CCDC82: variants seen among roughly 807,000 people sequenced by gnomAD.
The protein encoded by CCDC82 is coiled-coil domain containing 82.
Under a neutral mutation model 60.6 loss-of-function variants are expected in CCDC82, and 47 were observed. The observed-to-expected ratio is 0.77, with a 90% CI of 0.61 to 0.99. The LOEUF (loss-of-function observed/expected upper bound fraction) is 0.99. Among genes scored for constraint, CCDC82 ranks in the 50% least tolerant of loss-of-function variants. The pLI is 0.00. For synonymous variants in CCDC82, 212 were observed against 207.4 expected, an observed-to-expected ratio of 1.02 and a Z score of -0.19; for missense variants, 588 against 633.0, an observed-to-expected ratio of 0.93 and a Z score of 0.76.
chr11:96,369,737 T>C (rs994644307), intron 7 of CCDC82, among the ~76,000 whole-genome samples: 2 of 152,294 alleles, frequency 1.3e-5, no homozygotes, highest in Admixed American at 6.5e-5. Context: ...TGAATAAGCA[T>C]ATGGTGTTAG....
intron 4 of CCDC82, 128 bp from the exon 5 acceptor site, chr11:96,383,601 TAA>T (rs1180337316): frequency 3.4e-6 from 2 of 592,698 alleles, no homozygotes; most frequent in African/African-American, 3.9e-5. Context: ...ATTTTAAAGT[TAA>T]AAATAAATAA....
chr11:96,379,743 C>T (rs1865771963), intron 5 of CCDC82, among the ~76,000 whole-genome samples: 1 of 151,706 alleles, frequency 6.6e-6, no homozygotes, highest in African/African-American at 2.4e-5. Context: ...CAGTTTTGTT[C>T]CTATTGAGCC....
intron 9 of CCDC82, chr11:96,356,106 A>T (rs1248552165): frequency 1.3e-5 from 2 of 152,212 alleles, no homozygotes; most frequent in African/African-American, 4.8e-5. Context: ...TGCTAAAAAT[A>T]TTGGATGTTT....
At position 96,356,686 on chromosome 11, in the gene CCDC82, TATC is replaced by T. The variant is rs1864366372; in HGVS notation, c.1566+2304_1566+2306del. ...TTTGGTTTTATTATAATTTTCCTAT[TATC>T]TATTCTTTTCTTATACTCAAGTTGC... On this transcript the variant is annotated intron_variant, in intron 9 of 9. Transcript: ENST00000646818. The T allele has an allele frequency of 6.3e-6, 6 of 950,928 alleles. No individual in the cohort carries two copies. The South Asian group carries it at 2.9e-4, about 46-fold the overall frequency. The allele number at this position is 950,928 out of a possible 1,614,324, so 58.9% of individuals were successfully genotyped here.
intron 5 of CCDC82, among the ~76,000 whole-genome samples, chr11:96,380,011 A>C (rs935935072): frequency 6.6e-6 from 1 of 151,828 alleles, no homozygotes; most frequent in Non-Finnish European, 1.5e-5. Context: ...CAAGAAAAGT[A>C]GGGTACCACA....
intron 6 of CCDC82, among the ~76,000 whole-genome samples, chr11:96,372,739 A>ATATATATTTATATATATAAATATATAC (rs1865352400): frequency 6.9e-6 from 1 of 145,892 alleles, no homozygotes; most frequent in African/African-American, 2.5e-5. Context: ...TAAATATATA[A>ATATATATTTATATATATAAATATATAC]ATATACGTAT....
intron 7 of CCDC82, among the ~76,000 whole-genome samples, chr11:96,366,116 G>A (rs1864932126): frequency 6.6e-6 from 1 of 152,080 alleles, no homozygotes; most frequent in African/African-American, 2.4e-5. Flanking sequence ...TCCTGCTTCT[G>A]CTATACCCCA....
chr11:96,362,832 T>C (rs992854684), intron 8 of CCDC82, among the ~76,000 whole-genome samples: 6 of 152,344 alleles, frequency 3.9e-5, no homozygotes, highest in South Asian at 4.1e-4. Context: ...CTTAAAAGTA[T>C]TATTTGCACC....
At chr11:96,364,861 G>C in intron 8 of CCDC82, 119 bp downstream of exon 8, 1 of 837,066 alleles carries the variant, frequency 1.2e-6, no homozygotes, top group Non-Finnish European at 1.8e-6. Context: ...TTGCCAATTT[G>C]GTGGATTATA....
At chr11:96,358,885 G>C (rs1864480683) in intron 9 of CCDC82, 108 bp downstream of exon 9, 1 of 1,085,710 alleles carries the variant, frequency 9.2e-7, no homozygotes, top group African/African-American at 1.6e-5. Context: ...AACGACAGAA[G>C]AAAGAGATTC....
chr11:96,353,565 C>G lies in CCDC82; in HGVS notation c.*81G>C. ...TGAAGATATAGATAAAATGTACAAA[C>G]ATGTCACATGATACAGAAAAACAAG... On this transcript the variant is annotated 3_prime_UTR_variant, in exon 10 of 10. Transcript: ENST00000646818. 9.4e-7 allele frequency: 1 copy of G among 1,058,546 alleles called. No homozygotes were observed. The highest frequency in any genetic ancestry group is 2.4e-5 in the East Asian group (1 of 41,866). The allele number at this position is 1,058,546 out of a possible 1,614,324, so 65.6% of individuals were successfully genotyped here. A position where few individuals can be genotyped will look rare whatever the true frequency, so the allele number is the denominator to read the frequency against.
intron 3 of CCDC82, 191 bp from the exon 4 acceptor site, chr11:96,384,952 T>TA (rs1465532031): frequency 2.1e-6 from 1 of 483,148 alleles, no homozygotes; most frequent in East Asian, 3.3e-5. Context: ...GAAATAATTA[T>TA]ATGAACATCT....
chr11:96,371,913 T>G (rs1591190660), intron 6 of CCDC82, among the ~76,000 whole-genome samples: 1 of 152,372 alleles, frequency 6.6e-6, no homozygotes, highest in East Asian at 1.9e-4. Context: ...ACATCTGTCA[T>G]CGTATGAATT....
rs572879605 is a variant in CCDC82 at position 96,356,688 on chromosome 11, T to C, written c.1566+2305A>G. The C allele has an allele frequency of 3.3e-3, 3,126 of 950,102 alleles. 13 individuals are homozygous for C. The highest frequency in any genetic ancestry group is 9.8e-3 in the Middle Eastern group (18 of 1,844). 58.9% of individuals were successfully genotyped at this position (950,102 alleles called of 1,614,324 possible). On this transcript the variant is annotated intron_variant, in intron 9 of 9. Transcript: ENST00000646818. ...TGGTTTTATTATAATTTTCCTATTA[T>C]CTATTCTTTTCTTATACTCAAGTTG...
intron 1 of CCDC82, chr11:96,389,051 GTTC>G (rs1299236701): frequency 1.3e-5 from 2 of 152,206 alleles, no homozygotes; most frequent in Non-Finnish European, 2.9e-5. Flanking sequence ...TTAAGATCAA[GTTC>G]TTATCACACT....
intron 3 of CCDC82, chr11:96,385,215 G>C (rs1266629775): frequency 6.6e-6 from 1 of 152,608 alleles, no homozygotes; most frequent in Non-Finnish European, 1.5e-5. Context: ...GCATTCTGAA[G>C]GATTCATTGT....
chr11:96,374,959 G>C (rs1444871595), intron 5 of CCDC82, among the ~76,000 whole-genome samples: 2 of 150,776 alleles, frequency 1.3e-5, no homozygotes, highest in Non-Finnish European at 3.0e-5. Flanking sequence ...AAATTTGGGG[G>C]ACATGCAAAC....
intron 7 of CCDC82, among the ~76,000 whole-genome samples, chr11:96,369,234 G>C (rs1865123808): frequency 6.6e-6 from 1 of 152,160 alleles, no homozygotes; most frequent in South Asian, 2.1e-4. Context: ...TCAGCAATAA[G>C]GCTGTTTCAA....
intron 5 of CCDC82, chr11:96,380,948 A>T (rs1865845492): frequency 6.6e-6 from 1 of 151,688 alleles, no homozygotes; most frequent in Admixed American, 6.6e-5. Flanking sequence ...GGTACTAAAA[A>T]ATGAGCCCTG....
Sources: gnomAD v4.1 joint callset for allele counts (sites outside exome capture counted in the v4.1 genomes callset) on GRCh38, gnomAD v4.1.1 for gene constraint, MANE v1.5 for transcripts, NCBI Gene and HGNC (gene_info 2026-07-23, HGNC 2026-07-21) for gene names.